IFIH1: variants seen among roughly 807,000 people sequenced by gnomAD.
IFIH1 encodes the protein interferon induced with helicase C domain 1.
Under a neutral mutation model 107.4 loss-of-function variants are expected in IFIH1, and 125 were observed. That is an observed-to-expected ratio of 1.16 (90% CI 1.01 to 1.35). IFIH1 has a LOEUF of 1.35. IFIH1 is among the 40% of genes most tolerant of loss of function. The pLI is 0.00. For missense variants in IFIH1, 1,333 were observed against 1,213.7 expected, an observed-to-expected ratio of 1.10 and a Z score of -1.46; for synonymous variants, 458 against 413.2, an observed-to-expected ratio of 1.11 and a Z score of -1.31.
chr2:162,274,719 A>T (rs1220701162), intron 11 of IFIH1, among the ~76,000 whole-genome samples: 1 of 152,218 alleles, frequency 6.6e-6, no homozygotes, highest in Non-Finnish European at 1.5e-5. Context: ...GAAATGAGTG[A>T]GCACAAACCT....
intron 3 of IFIH1, among the ~76,000 whole-genome samples, chr2:162,294,461 G>A (rs77088072): frequency 0.023 from 3,507 of 151,976 alleles, 75 homozygotes; most frequent in East Asian, 0.09. Flanking sequence ...CAGAACTATC[G>A]TTAAACTGGT....
intron 5 of IFIH1, 65 bp downstream of exon 5, chr2:162,288,070 T>C (rs921045900): frequency 9.8e-7 from 1 of 1,016,298 alleles, no homozygotes; most frequent in African/African-American, 1.6e-5. Flanking sequence ...ACAAATGCCA[T>C]CATATAAAAG....
At chr2:162,268,890 C>A (rs1224609064) in intron 13 of IFIH1, among the ~76,000 whole-genome samples, 1 of 152,154 alleles carries the variant, frequency 6.6e-6, no homozygotes, top group African/African-American at 2.4e-5. Context: ...CGCCAGCCTA[C>A]CCATTTGTTT....
At chr2:162,310,972 A>G (rs1683376794) in intron 1 of IFIH1, 39 bp from the exon 2 acceptor site, 2 of 1,510,184 alleles carry the variant, frequency 1.3e-6, no homozygotes, top group Non-Finnish European at 9.1e-7. Context: ...AAGATCAAAC[A>G]TCTTCTGAAT....
At chr2:162,295,413 G>A (rs1389006907) in intron 3 of IFIH1, among the ~76,000 whole-genome samples, 1 of 151,906 alleles carries the variant, frequency 6.6e-6, no homozygotes, top group East Asian at 1.9e-4. Context: ...GTATTCCACT[G>A]AGAATCTGTG....
chr2:162,303,272 G>T (rs931384289), intron 3 of IFIH1, among the ~76,000 whole-genome samples: 1 of 152,102 alleles, frequency 6.6e-6, no homozygotes. Flanking sequence ...CTGCCACCAT[G>T]CTCGGCTAAG....
chr2:162,312,291 C>A (rs1683396509), intron 1 of IFIH1, among the ~76,000 whole-genome samples: 1 of 152,036 alleles, frequency 6.6e-6, no homozygotes, highest in Non-Finnish European at 1.5e-5. Flanking sequence ...TGGTCTCTAC[C>A]CAAGGGATAT....
intron 3 of IFIH1, among the ~76,000 whole-genome samples, chr2:162,302,783 A>G (rs1353783918): frequency 6.6e-6 from 1 of 152,222 alleles, no homozygotes; most frequent in Non-Finnish European, 1.5e-5. Context: ...AAAGGTCTGA[A>G]GCAAACACAC....
chr2:162,269,427 A>G (rs1013173784), intron 13 of IFIH1, among the ~76,000 whole-genome samples: 1 of 152,324 alleles, frequency 6.6e-6, no homozygotes, highest in East Asian at 1.9e-4. Flanking sequence ...TCATGGAGCC[A>G]ATACTGCCTA....
At chr2:162,277,041 A>G in intron 10 of IFIH1, 95 bp from the exon 11 acceptor site, 5 of 839,320 alleles carry the variant, frequency 6.0e-6, no homozygotes, top group Non-Finnish European at 7.2e-6. Flanking sequence ...CCAAAAATAT[A>G]CAGTTTTATT....
At chr2:162,313,769 A>C (rs1683423537) in intron 1 of IFIH1, among the ~76,000 whole-genome samples, 1 of 152,234 alleles carries the variant, frequency 6.6e-6, no homozygotes, top group Non-Finnish European at 1.5e-5. Flanking sequence ...TTAATGTCTT[A>C]ACCCAATGAA....
chr2:162,289,925 T>C (rs1461971154), intron 4 of IFIH1, among the ~76,000 whole-genome samples: 1 of 151,980 alleles, frequency 6.6e-6, no homozygotes, highest in East Asian at 1.9e-4. Flanking sequence ...ATTATATTTA[T>C]GTAAGGCTCT....
At chr2:162,294,878 A>G (rs960840592) in intron 3 of IFIH1, among the ~76,000 whole-genome samples, 2 of 151,896 alleles carry the variant, frequency 1.3e-5, no homozygotes, top group South Asian at 2.1e-4. Flanking sequence ...ATAAAAATGG[A>G]TGAAAAAATA....
chr2:162,316,851 T>C (rs2105236115), intron 1 of IFIH1, among the ~76,000 whole-genome samples: 1 of 152,330 alleles, frequency 6.6e-6, no homozygotes, highest in South Asian at 2.1e-4. Context: ...TCATATCACA[T>C]TCAATGTAAA....
At chr2:162,286,721 T>G (rs1682900461) in intron 5 of IFIH1, among the ~76,000 whole-genome samples, 1 of 151,940 alleles carries the variant, frequency 6.6e-6, no homozygotes, top group African/African-American at 2.4e-5. Context: ...TGAATCCAGT[T>G]AACTTGGTTC....
In IFIH1 at chr2:162,282,586, A is replaced by T. The variant is rs773810038; in HGVS notation, c.1096-10T>A. On this transcript the variant is annotated splice_polypyrimidine_tract_variant and intron_variant, in intron 5 of 15. Transcript: ENST00000649979. ...GTTCAACTAGCAGTACCTTAAAAAA[A>T]TGTGAAGATTTTTTAAAAGAGAGAA... 6.9e-5 allele frequency: 109 copies of T among 1,578,304 alleles called. 4 individuals are homozygous for T. The South Asian group carries it at 1.1e-3, about 16-fold the overall frequency.
At chr2:162,312,780 T>A (rs908062346) in intron 1 of IFIH1, among the ~76,000 whole-genome samples, 1 of 152,200 alleles carries the variant, frequency 6.6e-6, no homozygotes, top group Non-Finnish European at 1.5e-5. Context: ...TTGCTATAGA[T>A]GTAAATAAGA....
At chr2:162,293,698 T>A (rs763275074) in intron 3 of IFIH1, 30 bp from the exon 4 acceptor site, 10 of 1,440,948 alleles carry the variant, frequency 6.9e-6, no homozygotes, top group South Asian at 1.2e-5. Context: ...AAAATATTTT[T>A]AAAATATTTC....
At chr2:162,313,884 G>A (rs1368568563) in intron 1 of IFIH1, among the ~76,000 whole-genome samples, 1 of 152,070 alleles carries the variant, frequency 6.6e-6, no homozygotes, top group Non-Finnish European at 1.5e-5. Flanking sequence ...TGTTCCTGGG[G>A]AGATTGACTT....
Sources: gnomAD v4.1 joint callset for allele counts (sites outside exome capture counted in the v4.1 genomes callset) on GRCh38, gnomAD v4.1.1 for gene constraint, MANE v1.5 for transcripts, NCBI Gene and HGNC (gene_info 2026-07-23, HGNC 2026-07-21) for gene names.